The following CSTF3 variants were observed in gnomAD, a reference collection of about 807,000 sequenced individuals.
CSTF3 encodes the protein cleavage stimulation factor subunit 3, also known as CF-1 77 kDa subunit.
CSTF3 carries 29 observed loss-of-function variants against 105.8 expected under a neutral mutation model. The observed-to-expected ratio is 0.27, with a 90% CI of 0.20 to 0.37. CSTF3 has a LOEUF of 0.37. Ranked by LOEUF, CSTF3 falls within the 10% of genes least tolerant of loss-of-function variation. The pLI is 1.00. For missense variants in CSTF3, 357 were observed against 879.3 expected, an observed-to-expected ratio of 0.41 and a Z score of 7.51; for synonymous variants, 252 against 281.9, an observed-to-expected ratio of 0.89 and a Z score of 1.06.
intron 17 of CSTF3, among the ~76,000 whole-genome samples, chr11:33,087,412 T>C (rs1367596825): frequency 6.6e-6 from 1 of 152,204 alleles, no homozygotes; most frequent in African/African-American, 2.4e-5. Context: ...GTAGGACAGA[T>C]ACAAGCTTTT....
At chr11:33,098,614 A>G (rs1855248417) in intron 13 of CSTF3, 76 bp downstream of exon 13, 2 of 857,970 alleles carry the variant, frequency 2.3e-6, no homozygotes, top group African/African-American at 1.8e-5. Flanking sequence ...AGTGAATTTT[A>G]TTGTATATAA....
intron 1 of CSTF3, chr11:33,156,636 G>GT (rs1183983793): frequency 9.0e-6 from 4 of 442,668 alleles, no homozygotes; most frequent in African/African-American, 8.1e-5. Context: ...CATTTGGCTT[G>GT]TATTTTAGGC....
intron 3 of CSTF3, among the ~76,000 whole-genome samples, chr11:33,125,401 A>AG (rs1855532473): frequency 6.6e-6 from 1 of 152,228 alleles, no homozygotes; most frequent in Non-Finnish European, 1.5e-5. Flanking sequence ...TCTGAGGCGT[A>AG]GGAAGAAGGT....
intron 13 of CSTF3, among the ~76,000 whole-genome samples, chr11:33,097,306 C>T (rs930889627): frequency 5.3e-5 from 8 of 152,050 alleles, no homozygotes; most frequent in Admixed American, 1.3e-4. Flanking sequence ...CTAGAACATA[C>T]TCCATTAATG....
intron 3 of CSTF3, among the ~76,000 whole-genome samples, chr11:33,140,312 T>C (rs1408453865): frequency 6.6e-6 from 1 of 151,964 alleles, no homozygotes; most frequent in Non-Finnish European, 1.5e-5. Flanking sequence ...AGGAAAGAAA[T>C]GGTCCCAGAG....
intron 1 of CSTF3, among the ~76,000 whole-genome samples, chr11:33,142,546 T>C (rs1175782739): frequency 6.6e-6 from 1 of 152,160 alleles, no homozygotes. Flanking sequence ...TTTATTCAAA[T>C]AAACTTACTT....
At chr11:33,107,481 A>G (rs991789097) in intron 5 of CSTF3, among the ~76,000 whole-genome samples, 1 of 152,172 alleles carries the variant, frequency 6.6e-6, no homozygotes, top group African/African-American at 2.4e-5. Context: ...TATAATTCGG[A>G]GTGGGGATGG....
At chr11:33,145,864 C>T (rs1855775592) in intron 1 of CSTF3, among the ~76,000 whole-genome samples, 1 of 151,852 alleles carries the variant, frequency 6.6e-6, no homozygotes, top group South Asian at 2.1e-4. Context: ...AACAAAGATC[C>T]AACATTTTAT....
chr11:33,161,387 A>G lies in CSTF3; in HGVS notation c.-62T>C. 1 of 1,589,402 alleles carries G rather than the reference A, an allele frequency of 6.3e-7. No homozygotes were observed. The highest frequency in any genetic ancestry group is 8.6e-7 in the Non-Finnish European group (1 of 1,165,648). On this transcript the variant is annotated 5_prime_UTR_variant, in exon 1 of 21. Coordinates refer to ENST00000323959, the MANE Select transcript of CSTF3 (RefSeq NM_001326.3). Reference sequence around the variant, plus strand: ...ATGGGAAGCTAGAAAAGAAAAATTAAACTAAAAACCACCCCCAAATCAGTA... The same window carrying G: ...ATGGGAAGCTAGAAAAGAAAAATTAGACTAAAAACCACCCCCAAATCAGTA...
chr11:33,155,473 C>G (rs1405020082), intron 1 of CSTF3, among the ~76,000 whole-genome samples: 2 of 151,170 alleles, frequency 1.3e-5, no homozygotes, highest in African/African-American at 4.9e-5. Flanking sequence ...CATATTCATC[C>G]CCTAGGAAAC....
chr11:33,112,038 G>A (rs1855384391), intron 3 of CSTF3, among the ~76,000 whole-genome samples: 1 of 152,192 alleles, frequency 6.6e-6, no homozygotes, highest in African/African-American at 2.4e-5. Flanking sequence ...CAGATCACCT[G>A]AAGTCAGGAA....
rs976593657 is a variant in CSTF3, at chr11:33,092,438, A to G, written c.1376-98T>C. On this transcript the variant is annotated intron_variant, in intron 15 of 20. Transcript: ENST00000323959. The stretch of plus-strand genomic sequence containing the variant: ...CTCACTTCATCCTTACAAAAATCCT[A>G]TGCAGAAAGGTTTAACTATTATCAC... The G allele has an allele frequency of 4.1e-5, 29 of 712,638 alleles. No individual in the cohort carries two copies. The African/African-American group carries it at 5.2e-4, about 13-fold the overall frequency. 44.1% of individuals were successfully genotyped at this position (712,638 alleles called of 1,614,324 possible).
At chr11:33,156,292 A>C (rs1477453733) in intron 1 of CSTF3, among the ~76,000 whole-genome samples, 1 of 149,496 alleles carries the variant, frequency 6.7e-6, no homozygotes, top group Non-Finnish European at 1.5e-5. Context: ...CAACACACAT[A>C]GTTGGCTCTT....
At chr11:33,138,239 G>C (rs891462546) in intron 3 of CSTF3, among the ~76,000 whole-genome samples, 1 of 151,664 alleles carries the variant, frequency 6.6e-6, no homozygotes, top group African/African-American at 2.4e-5. Context: ...ACATGCTTCA[G>C]TAAAAAAATT....
At position 33,141,436 on chromosome 11, in the gene CSTF3, T is replaced by C. The variant is rs1030226384; in HGVS notation, c.225+231A>G. On this transcript the variant is annotated intron_variant, in intron 3 of 20. Transcript: ENST00000323959. The stretch of plus-strand genomic sequence containing the variant: ...AAAAGGCTAAAGCACTCCAATACCA[T>C]TGAAACTGTTTTAATGTTGTTGCAA... The C allele has an allele frequency of 9.4e-6, 12 of 1,280,390 alleles. No homozygotes were observed. The Admixed American group carries it at 2.3e-4, about 24-fold the overall frequency. 79.3% of individuals were successfully genotyped at this position (1,280,390 alleles called of 1,614,324 possible).
rs958601090 is a variant in CSTF3, at chr11:33,139,749, T to C, written c.225+1918A>G. ...TTATATATACCTATTTGTGCGCGTG[T>C]GTATGTTTGTGTGTGTGAAGTAACT... On this transcript the variant is annotated intron_variant, in intron 3 of 20. Coordinates refer to ENST00000323959, the MANE Select transcript of CSTF3 (RefSeq NM_001326.3). Among the ~76,000 whole-genome samples the C allele has an allele frequency of 5.9e-5, 9 of 152,180 alleles. No homozygotes were observed. The East Asian group carries it at 1.5e-3, about 26-fold the overall frequency.
intron 3 of CSTF3, among the ~76,000 whole-genome samples, chr11:33,116,438 A>G (rs1855431696): frequency 6.6e-6 from 1 of 152,226 alleles, no homozygotes; most frequent in African/African-American, 2.4e-5. Context: ...AGAGTTAACA[A>G]GGAAAGCTTC....
intron 3 of CSTF3, among the ~76,000 whole-genome samples, chr11:33,110,585 C>A (rs1855369979): frequency 6.6e-6 from 1 of 152,130 alleles, no homozygotes; most frequent in South Asian, 2.1e-4. Context: ...ACAGTTCACA[C>A]AACTGGTCAG....
intron 3 of CSTF3, among the ~76,000 whole-genome samples, chr11:33,110,977 TC>T (rs1238469442): frequency 6.6e-6 from 1 of 152,198 alleles, no homozygotes; most frequent in Non-Finnish European, 1.5e-5. Context: ...ACGCCTGTAA[TC>T]CCAGCACTTT....
Sources: gnomAD v4.1 joint callset for allele counts (sites outside exome capture counted in the v4.1 genomes callset) on GRCh38, gnomAD v4.1.1 for gene constraint, MANE v1.5 for transcripts, NCBI Gene and HGNC (gene_info 2026-07-23, HGNC 2026-07-21) for gene names.